The following NR2C2AP variants were observed in gnomAD, a reference collection of about 807,000 sequenced individuals.
NR2C2AP encodes the protein nuclear receptor 2C2 associated protein.
NR2C2AP carries 13 observed loss-of-function variants against 19.1 expected under a neutral mutation model. The observed-to-expected ratio is 0.68, with a 90% CI of 0.44 to 1.08. The LOEUF (loss-of-function observed/expected upper bound fraction) is 1.08, where lower values mean the gene tolerates loss of function less well. Ranked by LOEUF, NR2C2AP falls within the 50% of genes least tolerant of loss-of-function variation. The pLI, the probability that NR2C2AP is intolerant of heterozygous loss-of-function variation, is 0.00. For synonymous variants in NR2C2AP, 81 were observed against 64.4 expected, an observed-to-expected ratio of 1.26 and a Z score of -1.23; for missense variants, 181 against 172.7, an observed-to-expected ratio of 1.05 and a Z score of -0.27.
At position 19,202,960 on chromosome 19, in the gene NR2C2AP, G is replaced by A. The variant is rs2060741264; in HGVS notation, c.38+63C>T. On this transcript the variant is annotated intron_variant, in intron 1 of 4. Coordinates refer to ENST00000331552, the MANE Select transcript of NR2C2AP (RefSeq NM_176880.6). ...CGCGGAGGGCCTGACCCCCAGATCT[G>A]TCCACTGAGGGCTCGACCCCAGGCT... 4 of 1,606,870 alleles carry A rather than the reference G, an allele frequency of 2.5e-6. No homozygotes were observed. The South Asian group carries it at 3.3e-5, about 13-fold the overall frequency.
Position 19,202,881 on chromosome 19 carries a change from C to G in NR2C2AP, c.39G>C (p.Arg13Ser), listed in dbSNP as rs753892855. Residue 13 changes from arginine to serine, a missense_variant and splice_region_variant, in exon 2 of 5, where the codon AGG becomes AGC. Physicochemically the swap from Arg to Ser is moderately radical, Grantham distance 110. Transcript: ENST00000331552. Reference sequence around the variant, plus strand: ...TGTTGCGATTCAGCACTGAACTCACCCTGGAGGCACCAGGATCAAGGCGAA... The same window carrying G: ...TGTTGCGATTCAGCACTGAACTCACGCTGGAGGCACCAGGATCAAGGCGAA... ...HSLVCPETVS[R>S]VSSVLNRNTR... 3.7e-6 allele frequency: 6 copies of G among 1,613,490 alleles called. No homozygotes were observed. Among genetic ancestry groups the G allele is most frequent in the Non-Finnish European group, 5.1e-6 (6 of 1,179,866 alleles).
In NR2C2AP at chr19:19,201,924, C is replaced by T. The variant is rs2060726406; in HGVS notation, c.*1G>A. On this transcript the variant is annotated 3_prime_UTR_variant, in exon 5 of 5. Coordinates refer to ENST00000331552, the MANE Select transcript of NR2C2AP (RefSeq NM_176880.6). ...CCTGGAGGAGACAGCCCCTAGAGGT[C>T]TCACACCTTCTCCCCAAGCACCCGC... 3 of 1,614,134 alleles carry T rather than the reference C, an allele frequency of 1.9e-6. No individual in the cohort carries two copies. The highest frequency in any genetic ancestry group is 2.5e-6 in the Non-Finnish European group (3 of 1,180,006).
At position 19,201,797 on chromosome 19, in the gene NR2C2AP, A is replaced by G; in HGVS notation, c.*128T>C. On this transcript the variant is annotated 3_prime_UTR_variant, in exon 5 of 5. Transcript: ENST00000331552. ...CTGGGGAAACCCAGAACTGACTTCA[A>G]AGGCAGCTTCTGGACAGGTGGTGGG... 1 of 1,613,162 alleles carries G rather than the reference A, an allele frequency of 6.2e-7. No individual in the cohort carries two copies. The highest frequency in any genetic ancestry group is 8.5e-7 in the Non-Finnish European group (1 of 1,179,662).
In NR2C2AP at chr19:19,202,245, A is replaced by G. The variant is rs748335385; in HGVS notation, c.303+86T>C. ...TCCTAGAGGTCACGTGTTCAAGATC[A>G]CACATCAGGGTTCCCATTCGGGTTT... On this transcript the variant is annotated intron_variant, in intron 4 of 4. Transcript: ENST00000331552. 6.6e-6 allele frequency: 9 copies of G among 1,358,326 alleles called. No homozygotes were observed. The Admixed American group carries it at 1.2e-4, about 18-fold the overall frequency. 84.1% of individuals were successfully genotyped at this position (1,358,326 alleles called of 1,614,324 possible).
Position 19,201,731 on chromosome 19 carries a change from C to G in NR2C2AP, c.*194G>C. The G allele has an allele frequency of 6.2e-7, 1 of 1,613,810 alleles. No homozygotes were observed. Among genetic ancestry groups the G allele is most frequent in the East Asian group, 2.2e-5 (1 of 44,882 alleles). On this transcript the variant is annotated 3_prime_UTR_variant, in exon 5 of 5. Transcript: ENST00000331552. Reference sequence around the variant, plus strand: ...CTGACCCTGAGTGAAGGCCGCCTGCCGGGGACTCAGACACTCAGGGAACAA... The same window carrying G: ...CTGACCCTGAGTGAAGGCCGCCTGCGGGGGACTCAGACACTCAGGGAACAA...
At chr19:19,202,303 A>G (rs2060732483) in intron 4 of NR2C2AP, 28 bp downstream of exon 4, 1 of 1,608,438 alleles carries the variant, frequency 6.2e-7, no homozygotes, top group Non-Finnish European at 8.5e-7. Context: ...GGCACAGACC[A>G]CCCACCCCAG....
At position 19,201,663 on chromosome 19, in the gene NR2C2AP, G is replaced by C; in HGVS notation, c.*262C>G. On this transcript the variant is annotated 3_prime_UTR_variant, in exon 5 of 5. Coordinates refer to ENST00000331552, the MANE Select transcript of NR2C2AP (RefSeq NM_176880.6). The stretch of plus-strand genomic sequence containing the variant: ...CCCCATCTCAGTGCAACAGGTGATC[G>C]AGAACCACATCCTCAAGCTCTTCCA... The C allele has an allele frequency of 6.2e-7, 1 of 1,614,078 alleles. No homozygotes were observed. Among genetic ancestry groups the C allele is most frequent in the Non-Finnish European group, 8.5e-7 (1 of 1,180,026 alleles).
rs916508667 is a variant in NR2C2AP at position 19,203,404 on chromosome 19, C to A, written c.-344G>T. 3 of 407,068 alleles carry A rather than the reference C, an allele frequency of 7.4e-6. No individual in the cohort carries two copies. The highest frequency in any genetic ancestry group is 4.6e-6 in the Non-Finnish European group (1 of 216,240). The allele number at this position is 407,068 out of a possible 1,614,324, so 25.2% of individuals were successfully genotyped here. A position where few individuals can be genotyped will look rare whatever the true frequency, so the allele number is the denominator to read the frequency against. Reference sequence around the variant, plus strand: ...TAGCTCTTGGAGCCAAATCTTGGGACCCGGAACCGCGTGGGCTTGGCGCAT... The same window carrying A: ...TAGCTCTTGGAGCCAAATCTTGGGAACCGGAACCGCGTGGGCTTGGCGCAT... On this transcript the variant is annotated 5_prime_UTR_variant, in exon 1 of 5. Transcript: ENST00000331552.
Position 19,201,881 on chromosome 19 carries a change from G to C in NR2C2AP, c.*44C>G. 1.2e-6 allele frequency: 2 copies of C among 1,613,510 alleles called. No individual in the cohort carries two copies. Among genetic ancestry groups the C allele is most frequent in the Non-Finnish European group, 1.7e-6 (2 of 1,179,676 alleles). On this transcript the variant is annotated 3_prime_UTR_variant, in exon 5 of 5. Coordinates refer to ENST00000331552, the MANE Select transcript of NR2C2AP (RefSeq NM_176880.6). The stretch of plus-strand genomic sequence containing the variant: ...TCTGTGCAGAATGAGGGACTTTGCT[G>C]TGCTTCCCGGAGGGCTTCCTGGAGG...
At chr19:19,202,682 C>T in intron 2 of NR2C2AP, 107 bp from the exon 3 acceptor site, 1 of 1,389,468 alleles carries the variant, frequency 7.2e-7, no homozygotes, top group Non-Finnish European at 1.0e-6. Context: ...GAAGGAAATT[C>T]GGCACATGTT....
chr19:19,202,952 C>G (rs1370766194), intron 1 of NR2C2AP, 71 bp from the exon 2 acceptor site: 2 of 1,606,498 alleles, frequency 1.2e-6, no homozygotes, highest in African/African-American at 1.3e-5. Context: ...GGCCTGACCC[C>G]CAGATCTGTC....
chr19:19,202,388 G>C lies in NR2C2AP; in HGVS notation c.246C>G (p.Gly82=). Residue 82 remains glycine, a synonymous_variant, in exon 4 of 5, where the codon GGC becomes GGG. Coordinates refer to ENST00000331552, the MANE Select transcript of NR2C2AP (RefSeq NM_176880.6). ...SRRGCLEGSQ[G]TQALHKIVDF... Reference sequence around the variant, plus strand: ...CTACAATCTTGTGGAGAGCCTGAGTGCCCTGTGAACCTTCAGCAGAGAAAG... The same window carrying C: ...CTACAATCTTGTGGAGAGCCTGAGTCCCCTGTGAACCTTCAGCAGAGAAAG... 6.2e-7 allele frequency: 1 copy of C among 1,614,146 alleles called. No homozygotes were observed. The highest frequency in any genetic ancestry group is 8.5e-7 in the Non-Finnish European group (1 of 1,180,000).
At position 19,202,886 on chromosome 19, in the gene NR2C2AP, A is replaced by G; in HGVS notation, c.39-5T>C. 1 of 1,613,054 alleles carries G rather than the reference A, an allele frequency of 6.2e-7. No individual in the cohort carries two copies. Among genetic ancestry groups the G allele is most frequent in the Middle Eastern group, 1.7e-4 (1 of 6,060 alleles). ...CGATTCAGCACTGAACTCACCCTGG[A>G]GGCACCAGGATCAAGGCGAAGAGAG... On this transcript the variant is annotated splice_polypyrimidine_tract_variant and splice_region_variant and intron_variant, in intron 1 of 4. Coordinates refer to ENST00000331552, the MANE Select transcript of NR2C2AP (RefSeq NM_176880.6).
chr19:19,203,349 G>A lies in NR2C2AP; in HGVS notation c.-289C>T. 5.7e-6 allele frequency: 3 copies of A among 527,694 alleles called. No homozygotes were observed. The highest frequency in any genetic ancestry group is 4.2e-5 in the South Asian group (2 of 47,254). 32.7% of individuals were successfully genotyped at this position (527,694 alleles called of 1,614,324 possible). On this transcript the variant is annotated 5_prime_UTR_variant, in exon 1 of 5. Coordinates refer to ENST00000331552, the MANE Select transcript of NR2C2AP (RefSeq NM_176880.6). ...TTTCCCGCGGGTTTCGGGGGCGGTG[G>A]CTTTTTGTGCGAGGCTGTTTCTCTG...
At chr19:19,202,920 A>C (rs757235411) in intron 1 of NR2C2AP, 39 bp from the exon 2 acceptor site, 6 of 1,608,658 alleles carry the variant, frequency 3.7e-6, no homozygotes, top group South Asian at 1.1e-5. Flanking sequence ...AGGGGCTGAG[A>C]CCAGCTCTCA....
rs1438873947 is a variant in NR2C2AP at position 19,203,007 on chromosome 19, C to G, written c.38+16G>C. On this transcript the variant is annotated intron_variant, in intron 1 of 4. Coordinates refer to ENST00000331552, the MANE Select transcript of NR2C2AP (RefSeq NM_176880.6). ...GGCTTAGGGCCTCGCCACTGCCTGT[C>G]CCCACAGACTCTTACCTGCTCACTG... is the stretch of plus-strand genomic sequence containing the variant. 1 of 1,614,102 alleles carries G rather than the reference C, an allele frequency of 6.2e-7. No individual in the cohort carries two copies. Among genetic ancestry groups the G allele is most frequent in the Middle Eastern group, 1.6e-4 (1 of 6,062 alleles).
In NR2C2AP at chr19:19,201,561, C is replaced by A. The variant is rs535238184; in HGVS notation, c.*364G>T. On this transcript the variant is annotated 3_prime_UTR_variant, in exon 5 of 5. Transcript: ENST00000331552. The stretch of plus-strand genomic sequence containing the variant: ...GGTCTCTGCAAGGGTCCCTGTTTGT[C>A]CCCTAAGGGGAGAGCGCAGGTTGGC... 2.6e-5 allele frequency: 42 copies of A among 1,608,476 alleles called. No homozygotes were observed. In the African/African-American group the frequency reaches 3.2e-4, roughly 12 times the overall value.
intron 4 of NR2C2AP, 88 bp from the exon 5 acceptor site, chr19:19,202,129 C>A: frequency 7.0e-7 from 1 of 1,431,894 alleles, no homozygotes; most frequent in Non-Finnish European, 9.8e-7. Flanking sequence ...CACACTCCAC[C>A]GATGTGGGCA....
rs763885840 is a variant in NR2C2AP, at chr19:19,202,273, G to A, written c.303+58C>T. The A allele has an allele frequency of 1.9e-6, 3 of 1,546,596 alleles. No homozygotes were observed. In the South Asian group the frequency reaches 3.3e-5, roughly 17 times the overall value. ...CATCAGGGTTCCCATTCGGGTTTGGGTGAGTCCAAAGCTTCCAGAGGCACA... is the reference window on the plus strand; with the variant it reads ...CATCAGGGTTCCCATTCGGGTTTGGATGAGTCCAAAGCTTCCAGAGGCACA... On this transcript the variant is annotated intron_variant, in intron 4 of 4. Coordinates refer to ENST00000331552, the MANE Select transcript of NR2C2AP (RefSeq NM_176880.6).
Sources: allele counts gnomAD v4.1 joint callset, GRCh38; gene constraint gnomAD v4.1.1; transcripts MANE v1.5; gene names NCBI Gene and HGNC (gene_info 2026-07-23, HGNC 2026-07-21).